The following SLCO3A1 variants were observed in gnomAD, a reference collection of about 807,000 sequenced individuals.
The protein encoded by SLCO3A1 is PGE1 transporter.
Under a neutral mutation model 63.1 loss-of-function variants are expected in SLCO3A1, and 27 were observed. The observed-to-expected ratio is 0.43, with a 90% CI of 0.32 to 0.59. The LOEUF is 0.59. Ranked by LOEUF, SLCO3A1 falls within the 20% of genes least tolerant of loss-of-function variation. The pLI, the probability that SLCO3A1 is intolerant of heterozygous loss-of-function variation, is 0.09. For missense variants in SLCO3A1, 773 were observed against 945.8 expected (o/e 0.82, Z 2.40); for synonymous variants, 473 against 409.9 (o/e 1.15, Z -1.86).
intron 2 of SLCO3A1, among the ~76,000 whole-genome samples, chr15:92,091,555 G>C (rs1003360203): frequency 4.6e-5 from 7 of 152,192 alleles, no homozygotes; most frequent in Non-Finnish European, 1.0e-4. Context: ...TTGCACATCT[G>C]GGCCTTCTGA....
In SLCO3A1 at chr15:91,856,204, G is replaced by T. The variant is rs1896916535; in HGVS notation, c.180+2116G>T. ...CTGGCACTTCTAGCCTTCGCTGATG[G>T]AAAGCCTGGTTGGGTGGGGTAGGGT... On this transcript the variant is annotated intron_variant, in intron 1 of 9. Transcript: ENST00000318445. This position sits in a 1 kb window ranked among gnomAD's most constrained non-coding sequence, Gnocchi z 4.9. 6.6e-6 allele frequency among the ~76,000 whole-genome samples: 1 copy of T among 152,012 alleles called. No individual in the cohort carries two copies. Among genetic ancestry groups the T allele is most frequent in the Non-Finnish European group, 1.5e-5 (1 of 68,008 alleles).
In SLCO3A1 at chr15:91,989,257, A is replaced by G. The variant is rs550941624; in HGVS notation, c.646+72799A>G. ...TTGTCTTCTCTATCTTCCCTGTTCC[A>G]TCTTCTTTCTGTACCTTATATGGAC... On this transcript the variant is annotated intron_variant, in intron 2 of 9. Coordinates refer to ENST00000318445, the MANE Select transcript of SLCO3A1 (RefSeq NM_013272.4). 5.9e-5 allele frequency among the ~76,000 whole-genome samples: 9 copies of G among 152,144 alleles called. No homozygotes were observed. In the South Asian group the frequency reaches 1.5e-3, roughly 25 times the overall value.
At chr15:92,166,565 A>T (rs372948729), downstream of SLCO3A1, among the ~76,000 whole-genome samples, 18 of 152,024 alleles carry the variant, frequency 1.2e-4, no homozygotes, top group Non-Finnish European at 2.6e-4. Context: ...CCTCACTCAC[A>T]CTATGGCAGG....
intron 1 of SLCO3A1, among the ~76,000 whole-genome samples, chr15:91,895,973 C>T (rs1897992434): frequency 6.6e-6 from 1 of 152,172 alleles, no homozygotes; most frequent in Admixed American, 6.5e-5. Flanking sequence ...TCTTGTTTTC[C>T]AGTAGGAAGC....
At chr15:92,129,147 C>T (rs546587070) in intron 7 of SLCO3A1, among the ~76,000 whole-genome samples, 9 of 152,282 alleles carry the variant, frequency 5.9e-5, no homozygotes, top group Non-Finnish European at 1.2e-4. Context: ...CTGTGGAGGC[C>T]CCGCCCCCAT....
chr15:92,035,913 C>G (rs988141829), intron 2 of SLCO3A1, among the ~76,000 whole-genome samples: 4 of 151,812 alleles, frequency 2.6e-5, no homozygotes, highest in Non-Finnish European at 5.9e-5. Flanking sequence ...TGGTCCCATC[C>G]TGAGCTCACT....
chr15:91,877,342 C>T (rs546378550), intron 1 of SLCO3A1, among the ~76,000 whole-genome samples: 47 of 152,256 alleles, frequency 3.1e-4, no homozygotes, highest in Admixed American at 9.1e-4. Flanking sequence ...TTAAGATGTT[C>T]GTGTTCTTTG....
intron 2 of SLCO3A1, among the ~76,000 whole-genome samples, chr15:92,064,457 T>A (rs934536709): frequency 2.0e-5 from 3 of 152,228 alleles, no homozygotes; most frequent in African/African-American, 4.8e-5. Flanking sequence ...TTAATCCCAT[T>A]TGTTACTTTG....
At chr15:91,907,699 C>T (rs374885928) in intron 1 of SLCO3A1, among the ~76,000 whole-genome samples, 15 of 151,124 alleles carry the variant, frequency 9.9e-5, no homozygotes, top group African/African-American at 3.6e-4. Flanking sequence ...TTGTTTTTTA[C>T]ACTTTTAGTA....
At chr15:92,161,497 G>A (rs1057278624) in intron 9 of SLCO3A1, 1 of 152,232 alleles carries the variant, frequency 6.6e-6, no homozygotes, top group Non-Finnish European at 1.5e-5. Context: ...TTGGTGACTG[G>A]TTGTAGGTAC....
chr15:91,915,897 C>T (rs1007717110), intron 1 of SLCO3A1, 96 bp from the exon 2 acceptor site: 6 of 1,076,474 alleles, frequency 5.6e-6, no homozygotes, highest in African/African-American at 4.8e-5. Flanking sequence ...GGGAGGGTCC[C>T]GGGGGGGATG....
chr15:91,878,322 C>T (rs1008297544), intron 1 of SLCO3A1, among the ~76,000 whole-genome samples: 1 of 152,024 alleles, frequency 6.6e-6, no homozygotes, highest in Non-Finnish European at 1.5e-5. Context: ...TCAGGTGACC[C>T]GCCCACCTCG....
At chr15:91,962,587 G>A (rs2151422208) in intron 2 of SLCO3A1, among the ~76,000 whole-genome samples, 1 of 152,180 alleles carries the variant, frequency 6.6e-6, no homozygotes. Flanking sequence ...TTGGTGCTGA[G>A]GAGGGAAGTG....
intron 2 of SLCO3A1, among the ~76,000 whole-genome samples, chr15:92,060,279 G>T (rs756675320): frequency 7.3e-4 from 111 of 152,128 alleles, no homozygotes; most frequent in Non-Finnish European, 1.2e-3. Context: ...ACCTTAGCCA[G>T]CTGGGCTCGG....
intron 2 of SLCO3A1, among the ~76,000 whole-genome samples, chr15:92,032,500 G>T (rs866062140): frequency 1.3e-5 from 2 of 152,172 alleles, no homozygotes; most frequent in African/African-American, 2.4e-5. Context: ...GGGGTGGTGA[G>T]GGTGTGTATG....
At chr15:91,971,540 C>G (rs1442834912) in intron 2 of SLCO3A1, among the ~76,000 whole-genome samples, 1 of 151,944 alleles carries the variant, frequency 6.6e-6, no homozygotes, top group East Asian at 1.9e-4. Context: ...AGGCCCCAAG[C>G]ACAGTGCTGA....
At chr15:91,959,872 A>C (rs1346806119) in intron 2 of SLCO3A1, among the ~76,000 whole-genome samples, 1 of 152,130 alleles carries the variant, frequency 6.6e-6, no homozygotes, top group African/African-American at 2.4e-5. Flanking sequence ...ACTAGCAATC[A>C]CTTTCATTAT....
At chr15:91,998,668 G>A (rs146426562) in intron 2 of SLCO3A1, among the ~76,000 whole-genome samples, 63 of 152,294 alleles carry the variant, frequency 4.1e-4, no homozygotes, top group African/African-American at 1.4e-3. Flanking sequence ...TGGAGAAAAG[G>A]GAATGCTTAT....
chr15:91,911,720 G>A (rs771502216), intron 1 of SLCO3A1, among the ~76,000 whole-genome samples: 19 of 152,092 alleles, frequency 1.2e-4, no homozygotes, highest in Non-Finnish European at 2.4e-4. Flanking sequence ...TCTGCCTCCC[G>A]GGTTCAAGCA....
Sources: allele counts gnomAD v4.1 joint callset (sites outside exome capture counted in the v4.1 genomes callset), GRCh38; gene constraint gnomAD v4.1.1; non-coding constraint Gnocchi (gnomAD v3.1); transcripts MANE v1.5; gene names NCBI Gene and HGNC (gene_info 2026-07-23, HGNC 2026-07-21).